Variants in ATP1B4 observed in about 807,000 individuals in gnomAD.
The protein encoded by ATP1B4 is ATPase Na+/K+ transporting family member beta 4.
In ATP1B4, 32 loss-of-function variants were observed where a neutral mutation model predicts 29.6. That is an observed-to-expected ratio of 1.08 (90% CI 0.82 to 1.45). The LOEUF (loss-of-function observed/expected upper bound fraction) is 1.45, where lower values mean the gene tolerates loss of function less well. ATP1B4 is among the 40% of genes most tolerant of loss of function. The probability of loss-of-function intolerance (pLI) is 0.00; values close to 1 mark genes in which losing one functional copy is unlikely to be tolerated. For missense variants in ATP1B4, 323 were observed against 276.2 expected, an observed-to-expected ratio of 1.17 and a Z score of -1.20; for synonymous variants, 127 against 102.1, an observed-to-expected ratio of 1.24 and a Z score of -1.47.
chrX:120,375,430 C>T lies in ATP1B4; in HGVS notation c.621C>T (p.Phe207=), dbSNP rs2058348059. Residue 207 remains phenylalanine, a synonymous_variant, in exon 5 of 8, where the codon TTC becomes TTT. Transcript: ENST00000218008. ...TAGATTGTCCCCCGGGGCAGTACTT[C>T]ATCCAAGATGGCAATGAGGATGAGG... ...MNVDCPPGQY[F]IQDGNEDEDK... 2 of 1,208,894 alleles carry T rather than the reference C, an allele frequency of 1.7e-6. No homozygotes were observed. Among genetic ancestry groups the T allele is most frequent in the African/African-American group, 3.5e-5 (2 of 57,002 alleles).
chrX:120,381,267 A>G lies in ATP1B4; in HGVS notation c.*1633A>G, dbSNP rs1185780043. The G allele has an allele frequency of 9.0e-6, 1 of 111,546 alleles. No individual in the cohort carries two copies. 9.2% of individuals were successfully genotyped at this position (111,546 alleles called of 1,213,427 possible). On this transcript the variant is annotated 3_prime_UTR_variant, in exon 8 of 8. Coordinates refer to ENST00000218008, the MANE Select transcript of ATP1B4 (RefSeq NM_001142447.3). ...GTGTCTGGGTAACTGTGAGCAGTTT[A>G]TGTAACTGGAATGAAAAGGGCTCAG...
chrX:120,374,065 G>A (rs756726079), intron 4 of ATP1B4, among the ~76,000 whole-genome samples: 2 of 111,256 alleles, frequency 1.8e-5, no homozygotes, highest in African/African-American at 6.6e-5. Flanking sequence ...TCTAGACAGA[G>A]CTGATTTATC....
chrX:120,368,588 C>G (rs1028718197), intron 2 of ATP1B4, among the ~76,000 whole-genome samples: 1 of 111,874 alleles, frequency 8.9e-6, no homozygotes, highest in Non-Finnish European at 1.9e-5. Context: ...AAGTAACTTG[C>G]CTATAGTCAT....
At position 120,375,566 on chromosome X, in the gene ATP1B4, C is replaced by A. The variant is rs146145822; in HGVS notation, c.757C>A (p.Arg253=). The A allele has an allele frequency of 5.8e-6, 7 of 1,201,651 alleles. No individual in the cohort carries two copies. The highest frequency in any genetic ancestry group is 1.8e-5 in the South Asian group (1 of 55,307). The change falls in exon 5 of 8, where the codon CGG becomes AGG. Residue 253 remains arginine, a splice_region_variant and synonymous_variant. Transcript: ENST00000218008. ...GQPCILLKMN[R]IVGFRPELGD... Reference sequence around the variant, plus strand: ...GCCCTGCATCCTTCTAAAGATGAACCGGGTATATTGGCTTTTCATATCTGG... The same window carrying A: ...GCCCTGCATCCTTCTAAAGATGAACAGGGTATATTGGCTTTTCATATCTGG...
At chrX:120,363,267 C>T (rs1343289583) in intron 1 of ATP1B4, among the ~76,000 whole-genome samples, 1 of 112,141 alleles carries the variant, frequency 8.9e-6, no homozygotes. Flanking sequence ...CTACAGAGGG[C>T]TTCTCTTAGC....
chrX:120,363,997 G>C (rs910899631), intron 1 of ATP1B4, among the ~76,000 whole-genome samples: 1 of 111,359 alleles, frequency 9.0e-6, no homozygotes, highest in East Asian at 2.8e-4. Context: ...GAAAAGATTC[G>C]AGGTTCCTAA....
At chrX:120,369,832 T>G (rs2058304093) in intron 2 of ATP1B4, among the ~76,000 whole-genome samples, 1 of 112,214 alleles carries the variant, frequency 8.9e-6, no homozygotes, top group African/African-American at 3.2e-5. Context: ...CATTAGTCAA[T>G]GCTAAGAAGT....
In ATP1B4 at chrX:120,375,575, T is replaced by C. The variant is rs1383256615; in HGVS notation, c.759+7T>C. The C allele has an allele frequency of 1.7e-6, 2 of 1,192,796 alleles. No individual in the cohort carries two copies. The highest frequency in any genetic ancestry group is 3.5e-5 in the African/African-American group (2 of 56,492). On this transcript the variant is annotated splice_region_variant and intron_variant, in intron 5 of 7. Transcript: ENST00000218008. ...CCTTCTAAAGATGAACCGGGTATATTGGCTTTTCATATCTGGTGGTGATAA... is the reference window on the plus strand; with the variant it reads ...CCTTCTAAAGATGAACCGGGTATATCGGCTTTTCATATCTGGTGGTGATAA...
At chrX:120,378,553 A>G in intron 6 of ATP1B4, 125 bp from the exon 7 acceptor site, 3 of 591,129 alleles carry the variant, frequency 5.1e-6, no homozygotes, top group Non-Finnish European at 8.6e-6. Flanking sequence ...TTCTGCTTTC[A>G]TGGTCTTCCT....
rs757617927 is a variant in ATP1B4 at position 120,362,230 on chromosome X, T to C, written c.62T>C (p.Leu21Pro). 2 of 1,209,275 alleles carry C rather than the reference T, an allele frequency of 1.7e-6. No individual in the cohort carries two copies. The highest frequency in any genetic ancestry group is 3.5e-5 in the South Asian group (2 of 56,903). The change falls in exon 1 of 8, where the codon CTC (leucine) becomes CCC (proline). Residue 21 changes from leucine to proline, a missense_variant and splice_region_variant. Leu to Pro is a moderately conservative substitution (Grantham distance 98). Transcript: ENST00000218008. ...PSFPYSYRYR[L>P]DDPDEANQNY... ...TTTCCTTACAGTTATCGCTACAGAC[T>C]CGTGAGTGCCAGAGAGCAGAATATT...
Position 120,367,172 on chromosome X carries a change from A to G in ATP1B4, c.328+383A>G, listed in dbSNP as rs757234934. 1.8e-3 allele frequency among the ~76,000 whole-genome samples: 206 copies of G among 112,293 alleles called. 1 individual carries two copies. The highest frequency in any genetic ancestry group is 1.9e-3 in the Non-Finnish European group (101 of 53,241). On this transcript the variant is annotated intron_variant, in intron 2 of 7. Coordinates refer to ENST00000218008, the MANE Select transcript of ATP1B4 (RefSeq NM_001142447.3). ...CCTCACATGCCAAATGAGGAAAACA[A>G]TCCCTGACTTGCTTCTCTTACAGGA...
chrX:120,382,740 G>C lies in ATP1B4; in HGVS notation c.*3106G>C, dbSNP rs2058386030. 8.9e-6 allele frequency: 1 copy of C among 112,194 alleles called. No individual in the cohort carries two copies. Among genetic ancestry groups the C allele is most frequent in the Non-Finnish European group, 1.9e-5 (1 of 53,216 alleles). The allele number at this position is 112,194 out of a possible 1,213,427, so 9.2% of individuals were successfully genotyped here. A position where few individuals can be genotyped will look rare whatever the true frequency, so the allele number is the denominator to read the frequency against. On this transcript the variant is annotated 3_prime_UTR_variant, in exon 8 of 8. Coordinates refer to ENST00000218008, the MANE Select transcript of ATP1B4 (RefSeq NM_001142447.3). Reference sequence around the variant, plus strand: ...ATCCTGTTAAATGCATTGACTATTAGACAAGGAATTATGAATCATTTGTCA... The same window carrying C: ...ATCCTGTTAAATGCATTGACTATTACACAAGGAATTATGAATCATTTGTCA...
rs1307664739 is a variant in ATP1B4, at chrX:120,374,677, T to TA, written c.563-695_563-694insA. On this transcript the variant is annotated intron_variant, in intron 4 of 7. Transcript: ENST00000218008. ...TATAATATAATATATAATATATATA[T>TA]TATATACCCTTATATATAATATATA... Among the ~76,000 whole-genome samples the TA allele has an allele frequency of 6.4e-4, 27 of 42,170 alleles. No homozygotes were observed. The East Asian group carries it at 9.0e-3, about 14-fold the overall frequency. The allele number at this position is 42,170 out of a possible 115,157, so 36.6% of individuals were successfully genotyped here.
In ATP1B4 at chrX:120,362,102, C is replaced by A. The variant is rs369679959; in HGVS notation, c.-67C>A. 1.1e-4 allele frequency: 116 copies of A among 1,017,658 alleles called. No homozygotes were observed. In the African/African-American group the frequency reaches 2.1e-3, roughly 18 times the overall value. 83.9% of individuals were successfully genotyped at this position (1,017,658 alleles called of 1,213,427 possible). On this transcript the variant is annotated 5_prime_UTR_variant, in exon 1 of 8. Transcript: ENST00000218008. ...TCCCCAGCAACCAGTGTCTCCTGTA[C>A]CAGCAGAAGCTCCAGAACTCTCACC...
rs757330485 is a variant in ATP1B4, at chrX:120,366,722, G to A, written c.261G>A (p.Gln87=). Residue 87 remains glutamine (Q), a synonymous_variant, in exon 2 of 8, where the codon CAG becomes CAA. Coordinates refer to ENST00000218008, the MANE Select transcript of ATP1B4 (RefSeq NM_001142447.3). ...PTGNAWWQKL[Q]IMSEYLWDPE... ...GCAATGCCTGGTGGCAGAAATTGCA[G>A]ATCATGAGTGAATACCTGTGGGATC... 38 of 1,210,093 alleles carry A rather than the reference G, an allele frequency of 3.1e-5. No individual in the cohort carries two copies. Among genetic ancestry groups the A allele is most frequent in the Non-Finnish European group, 4.0e-5 (36 of 895,218 alleles).
Position 120,370,999 on chromosome X carries a change from G to A in ATP1B4, c.458-107G>A, listed in dbSNP as rs2231242. 3.0e-3 allele frequency: 3,059 copies of A among 1,029,259 alleles called. 7 individuals are homozygous for A. The highest frequency in any genetic ancestry group is 3.5e-3 in the Non-Finnish European group (2,604 of 744,283). 84.8% of individuals were successfully genotyped at this position (1,029,259 alleles called of 1,213,427 possible). A position where few individuals can be genotyped will look rare whatever the true frequency, so the allele number is the denominator to read the frequency against. On this transcript the variant is annotated intron_variant, in intron 3 of 7. Transcript: ENST00000218008. Reference sequence around the variant, plus strand: ...GTAAAATGGTACTTGGCAAATTATGGTTCTTTTCATTTTGATTGCCTGGGG... The same window carrying A: ...GTAAAATGGTACTTGGCAAATTATGATTCTTTTCATTTTGATTGCCTGGGG...
rs145450360 is a variant in ATP1B4, at chrX:120,369,298, C to A, written c.329-1417C>A. Among the ~76,000 whole-genome samples, 424 of 112,138 alleles carry A rather than the reference C, an allele frequency of 3.8e-3. 3 individuals carry two copies. The highest frequency in any genetic ancestry group is 5.3e-3 in the Non-Finnish European group (281 of 53,216). On this transcript the variant is annotated intron_variant, in intron 2 of 7. Coordinates refer to ENST00000218008, the MANE Select transcript of ATP1B4 (RefSeq NM_001142447.3). ...TGCTGTCGTTTATTCTCCAGGGACT[C>A]CAACTGAATCAATGTGTTCATGTTC...
At chrX:120,376,511 C>A in intron 6 of ATP1B4, 75 bp downstream of exon 6, 2 of 893,428 alleles carry the variant, frequency 2.2e-6, no homozygotes, top group Non-Finnish European at 3.3e-6. Flanking sequence ...CTTTCAAGGA[C>A]TTACACATGG....
intron 6 of ATP1B4, among the ~76,000 whole-genome samples, chrX:120,376,684 T>C (rs2058358217): frequency 1.8e-5 from 2 of 112,197 alleles, no homozygotes; most frequent in African/African-American, 6.5e-5. Context: ...TTAATACTTC[T>C]GAAAACCAAA....
Sources: gnomAD v4.1 joint callset for allele counts (sites outside exome capture counted in the v4.1 genomes callset) on GRCh38, gnomAD v4.1.1 for gene constraint, MANE v1.5 for transcripts, NCBI Gene and HGNC (gene_info 2026-07-23, HGNC 2026-07-21) for gene names.